PTPRU: variants seen among roughly 807,000 people sequenced by gnomAD.
PTPRU encodes receptor-type tyrosine-protein phosphatase U.
A neutral mutation model predicts 166.3 loss-of-function variants in PTPRU; 69 were observed. That is an observed-to-expected ratio of 0.41 (90% CI 0.34 to 0.51). PTPRU has a LOEUF of 0.51. Among genes scored for constraint, PTPRU ranks in the 20% least tolerant of loss-of-function variants. The pLI, the probability that PTPRU is intolerant of heterozygous loss-of-function variation, is 0.09. For missense variants in PTPRU, 1,657 were observed against 2,013.7 expected (o/e 0.82, Z 3.39); for synonymous variants, 793 against 814.0 (o/e 0.97, Z 0.44).
chr1:29,303,904 C>T lies in PTPRU; in HGVS notation c.2526C>T (p.Gly842=). ...CTGAGGCCAGCAGCCTCCTGGGGGG[C>T]TCCCCGAGGCGTCCCTGTGGCCGGA... ...GVTEASSLLG[G]SPRRPCGRKG... The change falls in exon 16 of 30, where the codon GGC becomes GGT. Residue 842 remains glycine, a synonymous_variant. Coordinates refer to ENST00000373779, the MANE Select transcript of PTPRU (RefSeq NM_133178.4). The T allele has an allele frequency of 5.6e-6, 9 of 1,613,640 alleles. No individual in the cohort carries two copies. Among genetic ancestry groups the T allele is most frequent in the South Asian group, 1.1e-5 (1 of 91,060 alleles).
In PTPRU at chr1:29,320,593, G is replaced by A; in HGVS notation, c.3688-92G>A. 2 of 1,383,784 alleles carry A rather than the reference G, an allele frequency of 1.4e-6. No homozygotes were observed. The highest frequency in any genetic ancestry group is 2.5e-5 in the Admixed American group (1 of 40,740). The allele number at this position is 1,383,784 out of a possible 1,614,324, so 85.7% of individuals were successfully genotyped here. A position where few individuals can be genotyped will look rare whatever the true frequency, so the allele number is the denominator to read the frequency against. ...TGTGGGGCACAACCGTCCAACTCAG[G>A]GTGGGCAGTGCGGGAAGACAGCCTG... On this transcript the variant is annotated intron_variant, in intron 25 of 29. Transcript: ENST00000373779. The surrounding 1 kb of genome is among the most constrained non-coding windows in gnomAD (Gnocchi z 5.2).
At chr1:29,239,782 C>T (rs568197585) in intron 1 of PTPRU, among the ~76,000 whole-genome samples, 100 of 152,264 alleles carry the variant, frequency 6.6e-4, no homozygotes, top group African/African-American at 2.1e-3. Flanking sequence ...CTCCTTCTGT[C>T]CGTCCTCAGC....
chr1:29,302,867 C>T (rs1042205663), intron 15 of PTPRU, among the ~76,000 whole-genome samples: 2 of 152,038 alleles, frequency 1.3e-5, no homozygotes, highest in African/African-American at 4.8e-5. Context: ...ATTTTTATAG[C>T]GTATTTTTAG....
At chr1:29,274,015 G>A (rs1685687989) in intron 7 of PTPRU, among the ~76,000 whole-genome samples, 2 of 152,106 alleles carry the variant, frequency 1.3e-5, no homozygotes, top group Non-Finnish European at 2.9e-5. Context: ...AGATTACAAG[G>A]ATTAAATGAG....
Position 29,325,697 on chromosome 1 carries a change from G to A in PTPRU, c.*36G>A. 1 of 1,533,314 alleles carries A rather than the reference G, an allele frequency of 6.5e-7. No individual in the cohort carries two copies. Among genetic ancestry groups the A allele is most frequent in the Non-Finnish European group, 8.9e-7 (1 of 1,123,460 alleles). 95.0% of individuals were successfully genotyped at this position (1,533,314 alleles called of 1,614,324 possible). ...GCCTGGGGCACCCACTGCACACTCAGGGCCAGACCCACCATCCTGGACTGG... is the reference window on the plus strand; with the variant it reads ...GCCTGGGGCACCCACTGCACACTCAAGGCCAGACCCACCATCCTGGACTGG... On this transcript the variant is annotated 3_prime_UTR_variant, in exon 30 of 30. Coordinates refer to ENST00000373779, the MANE Select transcript of PTPRU (RefSeq NM_133178.4).
At chr1:29,323,228 C>T (rs1337111179) in intron 26 of PTPRU, 143 bp from the exon 27 acceptor site, 1 of 1,132,924 alleles carries the variant, frequency 8.8e-7, no homozygotes, top group Non-Finnish European at 1.2e-6. Flanking sequence ...GGGGGAGCTG[C>T]TGAAGGTGAG....
At chr1:29,297,741 A>G (rs575731588) in intron 15 of PTPRU, among the ~76,000 whole-genome samples, 2 of 152,334 alleles carry the variant, frequency 1.3e-5, no homozygotes, top group Middle Eastern at 3.4e-3. Flanking sequence ...GGCAGGAAAC[A>G]TGGGCTCTGC....
Position 29,305,407 on chromosome 1 carries a change from C to T in PTPRU, c.2799C>T (p.Tyr933=). 1 of 1,613,876 alleles carries T rather than the reference C, an allele frequency of 6.2e-7. No homozygotes were observed. Among genetic ancestry groups the T allele is most frequent in the Non-Finnish European group, 8.5e-7 (1 of 1,179,964 alleles). The change falls in exon 18 of 30, where the codon TAC becomes TAT. Residue 933 remains tyrosine (Y), a synonymous_variant. Transcript: ENST00000373779. ...HPMLGDPNAD[Y]INANYIDGYH... The stretch of plus-strand genomic sequence containing the variant: ...TGCTGGGAGACCCCAATGCCGACTA[C>T]ATTAATGCCAACTACATAGATGTGA...
rs1301520011 is a variant in PTPRU, at chr1:29,280,281, ATTGTTC to A, written c.1868+142_1868+147del. 3 of 836,750 alleles carry A rather than the reference ATTGTTC, an allele frequency of 3.6e-6. No individual in the cohort carries two copies. Among genetic ancestry groups the A allele is most frequent in the Non-Finnish European group, 3.7e-6 (2 of 546,428 alleles). 51.8% of individuals were successfully genotyped at this position (836,750 alleles called of 1,614,324 possible). The stretch of plus-strand genomic sequence containing the variant: ...GCAGGGCTTGGAGTGTCTGGAGGAG[ATTGTTC>A]TGTGATGCTTGGCAGGCAAGAAGCC... On this transcript the variant is annotated intron_variant, in intron 11 of 29. Transcript: ENST00000373779. This position sits in a 1 kb window ranked among gnomAD's most constrained non-coding sequence, Gnocchi z 4.2.
intron 7 of PTPRU, among the ~76,000 whole-genome samples, chr1:29,269,393 C>A (rs1448249462): frequency 6.6e-6 from 1 of 150,808 alleles, no homozygotes; most frequent in Non-Finnish European, 1.5e-5. Flanking sequence ...GTGCATCCAG[C>A]CTAATCCAGT....
In PTPRU at chr1:29,326,011, C is replaced by T. The variant is rs907000620; in HGVS notation, c.*350C>T. On this transcript the variant is annotated 3_prime_UTR_variant, in exon 30 of 30. Transcript: ENST00000373779. ...GCCAAGCCCCTTGGCACCATCCTGG[C>T]TTTTGGCAGGGATGAGTGAGGCCCT... 2 of 419,712 alleles carry T rather than the reference C, an allele frequency of 4.8e-6. No individual in the cohort carries two copies. Among genetic ancestry groups the T allele is most frequent in the African/African-American group, 4.1e-5 (2 of 48,806 alleles). 26.0% of individuals were successfully genotyped at this position (419,712 alleles called of 1,614,324 possible). A position where few individuals can be genotyped will look rare whatever the true frequency, so the allele number is the denominator to read the frequency against.
rs752058506 is a variant in PTPRU, at chr1:29,291,928, T to G, written c.2378T>G (p.Met793Arg). 6.2e-7 allele frequency: 1 copy of G among 1,614,160 alleles called. No individual in the cohort carries two copies. Among genetic ancestry groups the G allele is most frequent in the Non-Finnish European group, 8.5e-7 (1 of 1,180,024 alleles). ...VNYRQEKTHM[M>R]SAVDRSFTDQ... ...TACCGCCAGGAGAAGACACACATGA[T>G]GAGCGCCGTGGACCGCAGCTTCACA... The change falls in exon 15 of 30, where the codon ATG becomes AGG. Residue 793 changes from methionine (M) to arginine (R), a missense_variant. Around this residue, in one of 3 missense-constraint regions of PTPRU, gnomAD observed 1,190 missense variants for 1,477.4 expected, o/e 0.81. Coordinates refer to ENST00000373779, the MANE Select transcript of PTPRU (RefSeq NM_133178.4). This position sits in a 1 kb window ranked among gnomAD's most constrained non-coding sequence, Gnocchi z 4.1.
rs1347115415 is a variant in PTPRU, at chr1:29,259,888, G to C, written c.694G>C (p.Val232Leu). 2 of 1,531,536 alleles carry C rather than the reference G, an allele frequency of 1.3e-6. No individual in the cohort carries two copies. Among genetic ancestry groups the C allele is most frequent in the South Asian group, 1.2e-5 (1 of 83,632 alleles). 94.9% of individuals were successfully genotyped at this position (1,531,536 alleles called of 1,614,324 possible). Residue 232 changes from valine (V) to leucine (L), a missense_variant, in exon 6 of 30, where the codon GTG (valine) becomes CTG (leucine). Val to Leu is a conservative substitution (Grantham distance 32, BLOSUM62 1). Around this residue, in one of 3 missense-constraint regions of PTPRU, gnomAD observed 453 missense variants for 496.9 expected, o/e 0.91. Transcript: ENST00000373779. ...FLLQRQSGAL[V>L]PAAGVRHISH... ...CCTGCAGCGGCAGAGCGGGGCGCTG[G>C]TGCCGGCGGCGGGCGTGCGGCACAT... is the stretch of plus-strand genomic sequence containing the variant.
In PTPRU at chr1:29,282,762, C is replaced by T. The variant is rs1313619915; in HGVS notation, c.1955C>T (p.Thr652Ile). Reference sequence around the variant, plus strand: ...CAGGACTGCTTCCCAGTGCCATTGACCTTCGAGGCGGCGCTGGCCCGAGGC... The same window carrying T: ...CAGGACTGCTTCCCAGTGCCATTGATCTTCGAGGCGGCGCTGGCCCGAGGC... ...GGQDCFPVPL[T>I]FEAALARGLV... Residue 652 changes from threonine to isoleucine, a missense_variant, in exon 12 of 30, where the codon ACC (threonine) becomes ATC (isoleucine). Thr to Ile is a moderately conservative substitution (Grantham distance 89). Around this residue, in one of 3 missense-constraint regions of PTPRU, gnomAD observed 1,190 missense variants for 1,477.4 expected, o/e 0.81. Coordinates refer to ENST00000373779, the MANE Select transcript of PTPRU (RefSeq NM_133178.4). 1 of 1,614,060 alleles carries T rather than the reference C, an allele frequency of 6.2e-7. No homozygotes were observed. Among genetic ancestry groups the T allele is most frequent in the Non-Finnish European group, 8.5e-7 (1 of 1,180,002 alleles).
rs1687952347 is a variant in PTPRU, at chr1:29,317,541, G to A, written c.3514-207G>A. Among the ~76,000 whole-genome samples, 1 of 152,210 alleles carries A rather than the reference G, an allele frequency of 6.6e-6. No individual in the cohort carries two copies. Among genetic ancestry groups the A allele is most frequent in the Non-Finnish European group, 1.5e-5 (1 of 68,036 alleles). On this transcript the variant is annotated intron_variant, in intron 24 of 29. Transcript: ENST00000373779. The surrounding 1 kb of genome is among the most constrained non-coding windows in gnomAD (Gnocchi z 5.6). ...AGGTTATGTGGGTGGCAAGGAGGTA[G>A]ACTCTGGTCTCTAGAGCTCTATCCA...
At chr1:29,270,174 CAT>C (rs1296408361) in intron 7 of PTPRU, among the ~76,000 whole-genome samples, 4 of 152,150 alleles carry the variant, frequency 2.6e-5, no homozygotes, top group Middle Eastern at 3.2e-3. Context: ...TTAATGCACA[CAT>C]GTTTATTAAT....
chr1:29,279,782 T>C lies in PTPRU; in HGVS notation c.1765+125T>C, dbSNP rs1003510553. ...CAGAGGGCCCCTGCTGAGATAAATATGCCATTTAGGAGTTAAAGTCAGGCT... is the reference window on the plus strand; with the variant it reads ...CAGAGGGCCCCTGCTGAGATAAATACGCCATTTAGGAGTTAAAGTCAGGCT... On this transcript the variant is annotated intron_variant, in intron 10 of 29. Transcript: ENST00000373779. This position sits in a 1 kb window ranked among gnomAD's most constrained non-coding sequence, Gnocchi z 5.2. The C allele has an allele frequency of 1.0e-4, 125 of 1,196,762 alleles. No individual in the cohort carries two copies. The highest frequency in any genetic ancestry group is 1.4e-4 in the Admixed American group (7 of 48,540). The allele number at this position is 1,196,762 out of a possible 1,614,324, so 74.1% of individuals were successfully genotyped here. A position where few individuals can be genotyped will look rare whatever the true frequency, so the allele number is the denominator to read the frequency against.
At position 29,260,688 on chromosome 1, in the gene PTPRU, C is replaced by G; in HGVS notation, c.929C>G (p.Ser310Cys). 1 of 1,580,522 alleles carries G rather than the reference C, an allele frequency of 6.3e-7. No individual in the cohort carries two copies. The highest frequency in any genetic ancestry group is 8.6e-7 in the Non-Finnish European group (1 of 1,161,160). The change falls in exon 7 of 30, where the codon TCC (serine) becomes TGC (cysteine). Residue 310 changes from serine to cysteine, a missense_variant. Ser to Cys is a moderately radical substitution (Grantham distance 112, BLOSUM62 -1). This residue lies in a region of PTPRU where 453 missense variants were observed against 496.9 expected (regional missense o/e 0.91). Coordinates refer to ENST00000373779, the MANE Select transcript of PTPRU (RefSeq NM_133178.4). The surrounding 1 kb of genome is among the most constrained non-coding windows in gnomAD (Gnocchi z 8.3). ...TYLIIQLNTN[S>C]IIGDGPIVRK... ...CTCATCATCCAGCTCAACACCAACT[C>G]CATCATTGGCGACGGGCCGATCGTG...
chr1:29,279,577 C>A lies in PTPRU; in HGVS notation c.1685C>A (p.Thr562Asn), dbSNP rs142576020. The A allele has an allele frequency of 3.1e-6, 5 of 1,614,198 alleles. No individual in the cohort carries two copies. Among genetic ancestry groups the A allele is most frequent in the African/African-American group, 2.7e-5 (2 of 75,064 alleles). ...TTCTCCAACCTGCACCCAGGCACCA[C>A]CTACCTGTTCTCCGTGCGGGCCCGC... ...HVFSNLHPGT[T>N]YLFSVRARTG... is the part of the protein sequence containing the mutation. The change falls in exon 10 of 30, where the codon ACC becomes AAC. Residue 562 changes from threonine to asparagine, a missense_variant. Physicochemically the swap from Thr to Asn is moderately conservative, Grantham distance 65. This residue lies in a region of PTPRU where 1,190 missense variants were observed against 1,477.4 expected (regional missense o/e 0.81). Coordinates refer to ENST00000373779, the MANE Select transcript of PTPRU (RefSeq NM_133178.4). The surrounding 1 kb of genome is among the most constrained non-coding windows in gnomAD (Gnocchi z 5.2).
Sources: allele counts gnomAD v4.1 joint callset (sites outside exome capture counted in the v4.1 genomes callset), GRCh38; gene constraint gnomAD v4.1.1; regional missense constraint gnomAD v4.1.1; non-coding constraint Gnocchi (gnomAD v3.1); transcripts MANE v1.5; gene names NCBI Gene and HGNC (gene_info 2026-07-23, HGNC 2026-07-21).